TMED10: variants seen among roughly 807,000 people sequenced by gnomAD.
TMED10 encodes transmembrane p24 trafficking protein 10, also known as transmembrane emp24 domain-containing protein 10.
A neutral mutation model predicts 23.1 loss-of-function variants in TMED10; 7 were observed. That is an observed-to-expected ratio of 0.30 (90% confidence interval 0.17 to 0.57). The LOEUF (loss-of-function observed/expected upper bound fraction) is 0.57. TMED10 is among the 20% of genes least tolerant of loss of function. The probability of loss-of-function intolerance (pLI) is 0.91; values close to 1 mark genes in which losing one functional copy is unlikely to be tolerated. For missense variants in TMED10, 162 were observed against 274.8 expected, an observed-to-expected ratio of 0.59 and a Z score of 2.90; for synonymous variants, 113 against 106.9, an observed-to-expected ratio of 1.06 and a Z score of -0.35.
chr14:75,175,218 G>T (rs1381655895), intron 1 of TMED10, among the ~76,000 whole-genome samples: 1 of 151,916 alleles, frequency 6.6e-6, no homozygotes, highest in East Asian at 1.9e-4. Flanking sequence ...ACCAGGCCAG[G>T]CTACTCTTAG....
At chr14:75,147,857 C>T in intron 2 of TMED10, 120 bp from the exon 3 acceptor site, 1 of 870,742 alleles carries the variant, frequency 1.1e-6, no homozygotes, top group Non-Finnish European at 1.7e-6. Context: ...GAAACAGCCA[C>T]AACTCCTCCC....
intron 1 of TMED10, 116 bp downstream of exon 1, chr14:75,176,239 C>G (rs1896303831): frequency 7.6e-7 from 1 of 1,319,878 alleles, no homozygotes; most frequent in Non-Finnish European, 1.0e-6. Context: ...CCTTTGCGCT[C>G]CCGGGAGGCC....
At chr14:75,148,562 G>C (rs1482917024) in intron 2 of TMED10, among the ~76,000 whole-genome samples, 1 of 152,100 alleles carries the variant, frequency 6.6e-6, no homozygotes, top group Non-Finnish European at 1.5e-5. Context: ...CCAGAAAACT[G>C]TTCAGCCCCA....
rs1419553826 is a variant in TMED10 at position 75,174,116 on chromosome 14, TTA to T, written c.225+2237_225+2238del. Among the ~76,000 whole-genome samples the T allele has an allele frequency of 2.0e-5, 3 of 152,156 alleles. No homozygotes were observed. The East Asian group carries it at 5.8e-4, about 29-fold the overall frequency. ...CATGCTAAACTACAGTTCCTGTTAT[TTA>T]TAGAGTACTTACTAGAAGCAAGGTA... On this transcript the variant is annotated intron_variant, in intron 1 of 4. Coordinates refer to ENST00000303575, the MANE Select transcript of TMED10 (RefSeq NM_006827.6).
At chr14:75,155,618 T>C (rs2139847049) in intron 1 of TMED10, among the ~76,000 whole-genome samples, 1 of 152,316 alleles carries the variant, frequency 6.6e-6, no homozygotes, top group East Asian at 1.9e-4. Flanking sequence ...AGAGAGCGCT[T>C]CACTGCAATG....
intron 1 of TMED10, among the ~76,000 whole-genome samples, chr14:75,167,439 C>G (rs1277639922): frequency 2.0e-5 from 3 of 151,912 alleles, no homozygotes; most frequent in African/African-American, 7.2e-5. Context: ...CCCCCACCCC[C>G]ACCACTGTCC....
intron 1 of TMED10, among the ~76,000 whole-genome samples, chr14:75,172,394 G>A (rs915729972): frequency 1.3e-5 from 2 of 151,340 alleles, no homozygotes; most frequent in Non-Finnish European, 2.9e-5. Flanking sequence ...TGCAACTTCC[G>A]CCTCCCAGGT....
chr14:75,153,053 C>T (rs911670057), intron 1 of TMED10, among the ~76,000 whole-genome samples: 6 of 152,114 alleles, frequency 3.9e-5, no homozygotes, highest in African/African-American at 9.7e-5. Context: ...ACCTGGGAGG[C>T]GGAGGTTGCA....
chr14:75,169,538 A>G (rs1896204926), intron 1 of TMED10, among the ~76,000 whole-genome samples: 1 of 152,160 alleles, frequency 6.6e-6, no homozygotes, highest in South Asian at 2.1e-4. Flanking sequence ...CGCGCCTATA[A>G]TCCCAGCTAC....
chr14:75,176,388 A>G lies in TMED10; in HGVS notation c.192T>C (p.Ser64=), dbSNP rs1896306091. 1.9e-6 allele frequency: 3 copies of G among 1,613,994 alleles called. No homozygotes were observed. The highest frequency in any genetic ancestry group is 2.7e-5 in the African/African-American group (2 of 74,900). The change falls in exon 1 of 5, where the codon TCT becomes TCC. Residue 64 remains serine (S), a synonymous_variant. Coordinates refer to ENST00000303575, the MANE Select transcript of TMED10 (RefSeq NM_006827.6). Reference sequence around the variant, plus strand: ...GGCTGCGCAGGCCGCCAGCGCCCCCAGACTGGTCGGAGATCTCGTACGCGC... The same window carrying G: ...GGCTGCGCAGGCCGCCAGCGCCCCCGGACTGGTCGGAGATCTCGTACGCGC... ...VTGAYEISDQ[S]GGAGGLRSHL... is the part of the protein sequence containing the mutation.
intron 1 of TMED10, among the ~76,000 whole-genome samples, chr14:75,156,425 A>G (rs1267452299): frequency 1.3e-5 from 2 of 152,118 alleles, no homozygotes; most frequent in African/African-American, 4.8e-5. Context: ...CAAAACCAAA[A>G]AGTAAATGCC....
intron 2 of TMED10, 125 bp downstream of exon 2, chr14:75,151,907 A>C: frequency 1.2e-6 from 1 of 818,328 alleles, no homozygotes; most frequent in Non-Finnish European, 1.9e-6. Flanking sequence ...ACTACAAGGT[A>C]ACAGGTCTCC....
chr14:75,157,653 A>G (rs574475050), intron 1 of TMED10, among the ~76,000 whole-genome samples: 2 of 151,560 alleles, frequency 1.3e-5, no homozygotes. Context: ...ATGTCTCAAT[A>G]AATAGCCAGG....
chr14:75,145,757 A>T (rs916618515), intron 3 of TMED10, among the ~76,000 whole-genome samples: 1 of 152,232 alleles, frequency 6.6e-6, no homozygotes, highest in Non-Finnish European at 1.5e-5. Flanking sequence ...ACTGCACTCC[A>T]GCCTGGGCAA....
intron 1 of TMED10, among the ~76,000 whole-genome samples, chr14:75,162,451 T>C (rs528917867): frequency 3.3e-5 from 5 of 152,278 alleles, no homozygotes; most frequent in African/African-American, 9.6e-5. Context: ...ATATAAATGA[T>C]TGATTAAATA....
chr14:75,138,828 T>C (rs1306694447), intron 3 of TMED10, among the ~76,000 whole-genome samples: 1 of 150,780 alleles, frequency 6.6e-6, no homozygotes, highest in African/African-American at 2.4e-5. Flanking sequence ...TTTTTTTTTT[T>C]TTTTATTTTT....
At chr14:75,138,300 A>G (rs967722681) in intron 3 of TMED10, among the ~76,000 whole-genome samples, 1 of 152,232 alleles carries the variant, frequency 6.6e-6, no homozygotes, top group Non-Finnish European at 1.5e-5. Flanking sequence ...ATGGTGATAG[A>G]CTTGCGATGA....
At chr14:75,142,179 C>T (rs147850831) in intron 3 of TMED10, among the ~76,000 whole-genome samples, 268 of 152,284 alleles carry the variant, frequency 1.8e-3, no homozygotes, top group African/African-American at 6.3e-3. Flanking sequence ...AGACAATGTG[C>T]ACCACAGGTT....
chr14:75,135,885 A>G lies in TMED10; in HGVS notation c.413T>C (p.Ile138Thr). ...TGGTTTGAGCTTCTCAACTTTTGCA[A>G]TCTGGAAAAGAATGGAATATTTTCA... The part of the protein sequence containing the change: ...HGVEAKNYEE[I>T]AKVEKLKPLE... The change falls in exon 4 of 5, where the codon ATT becomes ACT. Residue 138 changes from isoleucine to threonine, a missense_variant and splice_region_variant. Ile to Thr is a moderately conservative substitution (Grantham distance 89). Around this residue, in one of 2 missense-constraint regions of TMED10, gnomAD observed 126 missense variants for 239.5 expected, o/e 0.53. Coordinates refer to ENST00000303575, the MANE Select transcript of TMED10 (RefSeq NM_006827.6). The G allele has an allele frequency of 6.2e-7, 1 of 1,613,612 alleles. No individual in the cohort carries two copies. The highest frequency in any genetic ancestry group is 8.5e-7 in the Non-Finnish European group (1 of 1,179,898).
Sources: gnomAD v4.1 joint callset for allele counts (sites outside exome capture counted in the v4.1 genomes callset) on GRCh38, gnomAD v4.1.1 for gene constraint, gnomAD v4.1.1 regional missense constraint, MANE v1.5 for transcripts, NCBI Gene and HGNC (gene_info 2026-07-23, HGNC 2026-07-21) for gene names.